Variants in COL6A3 observed in about 807,000 individuals in gnomAD.
COL6A3 encodes collagen alpha-3(VI) chain.
Under a neutral mutation model 274.1 loss-of-function variants are expected in COL6A3, and 137 were observed. The observed-to-expected ratio is 0.50, with a 90% CI of 0.44 to 0.58. COL6A3 has a LOEUF of 0.58. Ranked by LOEUF, COL6A3 falls within the 20% of genes least tolerant of loss-of-function variation. COL6A3 has a pLI of 0.00. For synonymous variants in COL6A3, 1,650 were observed against 1,650.6 expected, an observed-to-expected ratio of 1.00 and a Z score of 0.01; for missense variants, 3,950 against 4,124.9, an observed-to-expected ratio of 0.96 and a Z score of 1.16.
In COL6A3 at chr2:237,365,906, C is replaced by A. The variant is rs116308832; in HGVS notation, c.5630G>T (p.Cys1877Phe). Residue 1877 changes from cysteine to phenylalanine, a missense_variant, in exon 12 of 44, where the codon TGC becomes TTC. Physicochemically the swap from Cys to Phe is radical, Grantham distance 205. Around this residue, in one of 5 missense-constraint regions of COL6A3, gnomAD observed 632 missense variants for 623.4 expected, o/e 1.01. Transcript: ENST00000295550. ...CACGGTGGGCGAGCGGCCACCGCTG[C>A]AGCTGACCCTGTGCATCTGGCTGAT... ...NRISQMHRVS[C>F]SGGRSPTVRV... 6.2e-7 allele frequency: 1 copy of A among 1,614,142 alleles called. No individual in the cohort carries two copies. The highest frequency in any genetic ancestry group is 8.5e-7 in the Non-Finnish European group (1 of 1,180,018).
At chr2:237,328,827 G>C (rs1246755828) in intron 42 of COL6A3, 4 of 152,168 alleles carry the variant, frequency 2.6e-5, no homozygotes, top group African/African-American at 9.7e-5. Flanking sequence ...GACAGACTGA[G>C]AGGTGTTTAT....
chr2:237,367,589 C>T (rs968973816), intron 10 of COL6A3, among the ~76,000 whole-genome samples: 18 of 152,190 alleles, frequency 1.2e-4, no homozygotes, highest in Admixed American at 9.8e-4. Flanking sequence ...TGCAAAATGG[C>T]ATTGTGACAA....
chr2:237,357,105 A>G (rs1487401921), intron 23 of COL6A3: 2 of 623,072 alleles, frequency 3.2e-6, no homozygotes, highest in Non-Finnish European at 5.7e-6. Context: ...TATTATTTTT[A>G]AAAGTATCTG....
At chr2:237,403,840 A>C (rs923944469) in intron 1 of COL6A3, among the ~76,000 whole-genome samples, 1 of 151,752 alleles carries the variant, frequency 6.6e-6, no homozygotes, top group Non-Finnish European at 1.5e-5. Flanking sequence ...CACAGCCCCA[A>C]CTTTGCCCCT....
rs75707353 is a variant in COL6A3, at chr2:237,366,456, A to C, written c.5500+231T>G. ...TGTTTGAGGGATTAAGGAATAGGGG[A>C]GAAAAGTAAATCTTATAAAAGCAAA... On this transcript the variant is annotated intron_variant, in intron 11 of 43. Coordinates refer to ENST00000295550, the MANE Select transcript of COL6A3 (RefSeq NM_004369.4). 6.1e-3 allele frequency among the ~76,000 whole-genome samples: 925 copies of C among 152,334 alleles called. 14 individuals are homozygous for C. Among genetic ancestry groups the C allele is most frequent in the African/African-American group, 0.021 (867 of 41,564 alleles).
chr2:237,352,602 C>T lies in COL6A3; in HGVS notation c.6691-18G>A, dbSNP rs756610567. The T allele has an allele frequency of 1.2e-6, 2 of 1,611,184 alleles. No individual in the cohort carries two copies. Among genetic ancestry groups the T allele is most frequent in the Non-Finnish European group, 1.7e-6 (2 of 1,178,152 alleles). On this transcript the variant is annotated intron_variant, in intron 25 of 43. Coordinates refer to ENST00000295550, the MANE Select transcript of COL6A3 (RefSeq NM_004369.4). Reference sequence around the variant, plus strand: ...GCTGGGCCCTGAGGAAGGAAAAGACCATCGTGAGTGCTAATGAGGTGACTT... The same window carrying T: ...GCTGGGCCCTGAGGAAGGAAAAGACTATCGTGAGTGCTAATGAGGTGACTT...
chr2:237,381,027 G>C lies in COL6A3; in HGVS notation c.1785C>G (p.Ile595Met), dbSNP rs114278376. Residue 595 changes from isoleucine to methionine, a missense_variant, in exon 5 of 44, where the codon ATC (isoleucine) becomes ATG (methionine). Coordinates refer to ENST00000295550, the MANE Select transcript of COL6A3 (RefSeq NM_004369.4). ...TGAACACCAGGGAGGAGTCGAAAGC[G>C]ATCTCTTCCAGCTCAGCCTGATCGG... Reference protein sequence around the residue: ...KGADQAELEEIAFDSSLVFIP... With the variant: ...KGADQAELEEMAFDSSLVFIP... 22 of 1,614,208 alleles carry C rather than the reference G, an allele frequency of 1.4e-5. No individual in the cohort carries two copies. In the Admixed American group the frequency reaches 3.0e-4, roughly 22 times the overall value.
intron 21 of COL6A3, among the ~76,000 whole-genome samples, chr2:237,358,193 C>A (rs1385620672): frequency 6.6e-6 from 1 of 152,220 alleles, no homozygotes; most frequent in Non-Finnish European, 1.5e-5. Flanking sequence ...GCTTGTACTG[C>A]TCATTTGCTT....
rs995147980 is a variant in COL6A3, at chr2:237,336,134, C to T, written c.8965+1G>A. 1 of 1,613,524 alleles carries T rather than the reference C, an allele frequency of 6.2e-7. No individual in the cohort carries two copies. ...GGCAGCCCTAGCAAGGGCTTTCTTACCCATGGGCTTAGTGGTGGCTGGCTT... is the reference window on the plus strand; with the variant it reads ...GGCAGCCCTAGCAAGGGCTTTCTTATCCATGGGCTTAGTGGTGGCTGGCTT... On this transcript the variant is annotated splice_donor_variant, in intron 40 of 43. Transcript: ENST00000295550. LOFTEE classifies it high-confidence loss of function.
chr2:237,407,056 T>C lies in COL6A3; in HGVS notation c.-31+6897A>G, dbSNP rs915444178. On this transcript the variant is annotated intron_variant, in intron 1 of 43. Transcript: ENST00000295550. The surrounding 1 kb of genome is among the most constrained non-coding windows in gnomAD (Gnocchi z 4.3). ...TCCCAAGTAGCTAGGACTACAGGTG[T>C]GCGCCACCACGCCTGGCTAATTTTT... Among the ~76,000 whole-genome samples the C allele has an allele frequency of 1.3e-5, 2 of 151,868 alleles. No individual in the cohort carries two copies. Among genetic ancestry groups the C allele is most frequent in the Admixed American group, 1.3e-4 (2 of 15,258 alleles).
chr2:237,353,479 T>G, intron 24 of COL6A3, 76 bp from the exon 25 acceptor site: 1 of 1,343,960 alleles, frequency 7.4e-7, no homozygotes. Context: ...TACAGTCATT[T>G]CTGGGCCAGG....
intron 28 of COL6A3, 64 bp downstream of exon 28, chr2:237,350,083 G>GGCT: frequency 6.7e-7 from 1 of 1,483,448 alleles, no homozygotes; most frequent in Non-Finnish European, 9.4e-7. Flanking sequence ...ACCCTCTCCT[G>GGCT]GCTTCCTGCA....
At chr2:237,410,579 A>T (rs546571740) in intron 1 of COL6A3, among the ~76,000 whole-genome samples, 1 of 152,290 alleles carries the variant, frequency 6.6e-6, no homozygotes, top group Non-Finnish European at 1.5e-5. Flanking sequence ...TGCTGGGATT[A>T]CAGAGATGAG....
intron 4 of COL6A3, among the ~76,000 whole-genome samples, chr2:237,383,935 G>C (rs921163389): frequency 2.0e-5 from 3 of 152,026 alleles, no homozygotes; most frequent in Admixed American, 6.5e-5. Context: ...ATGCACCTCT[G>C]GTTCCCAGAG....
chr2:237,374,409 T>G lies in COL6A3; in HGVS notation c.3679+3A>C. 4 of 1,612,160 alleles carry G rather than the reference T, an allele frequency of 2.5e-6. No individual in the cohort carries two copies. Among genetic ancestry groups the G allele is most frequent in the Non-Finnish European group, 3.4e-6 (4 of 1,179,936 alleles). On this transcript the variant is annotated splice_donor_region_variant and intron_variant, in intron 8 of 43. Coordinates refer to ENST00000295550, the MANE Select transcript of COL6A3 (RefSeq NM_004369.4). This position sits in a 1 kb window ranked among gnomAD's most constrained non-coding sequence, Gnocchi z 4.8. ...GTGAGGATGCAAAGAGTTCCCTGCGTACCTGGGCTCGGTAGAGGCTGCAAC... is the reference window on the plus strand; with the variant it reads ...GTGAGGATGCAAAGAGTTCCCTGCGGACCTGGGCTCGGTAGAGGCTGCAAC...
At chr2:237,343,300 G>C (rs2077027044) in intron 36 of COL6A3, 1 of 150,006 alleles carries the variant, frequency 6.7e-6, no homozygotes, top group Non-Finnish European at 1.5e-5. Context: ...TTCGAGACCA[G>C]TCTGACCAAT....
At chr2:237,408,071 T>C (rs1259509654) in intron 1 of COL6A3, among the ~76,000 whole-genome samples, 5 of 152,232 alleles carry the variant, frequency 3.3e-5, no homozygotes, top group African/African-American at 1.2e-4. Context: ...GGTGCTCTCT[T>C]TGTAAAGAGA....
chr2:237,347,599 G>A (rs2077122583), intron 31 of COL6A3, among the ~76,000 whole-genome samples: 1 of 152,192 alleles, frequency 6.6e-6, no homozygotes, highest in Non-Finnish European at 1.5e-5. Context: ...GGAGGAAGAG[G>A]AATACACCTA....
At chr2:237,406,907 CT>C (rs1006109385) in intron 1 of COL6A3, among the ~76,000 whole-genome samples, 2,028 of 123,472 alleles carry the variant, frequency 0.016, 10 homozygotes, top group African/African-American at 0.026. Context: ...TCTTTTTTCC[CT>C]TTTTTTTTTT....
Sources: gnomAD v4.1 joint callset for allele counts (sites outside exome capture counted in the v4.1 genomes callset) on GRCh38, gnomAD v4.1.1 for gene constraint, gnomAD v4.1.1 regional missense constraint, Gnocchi (gnomAD v3.1) non-coding constraint, MANE v1.5 for transcripts, NCBI Gene and HGNC (gene_info 2026-07-23, HGNC 2026-07-21) for gene names.